Variants in DCAF10 observed in about 807,000 individuals in gnomAD.
DCAF10 encodes DDB1- and CUL4-associated factor 10.
In DCAF10, 19 loss-of-function variants were observed where a neutral mutation model predicts 51.9. The observed-to-expected ratio is 0.37, with a 90% CI of 0.26 to 0.54. The LOEUF is 0.54. Among genes scored for constraint, DCAF10 ranks in the 20% least tolerant of loss-of-function variants. The probability of loss-of-function intolerance (pLI) is 0.87; values close to 1 mark genes in which losing one functional copy is unlikely to be tolerated. For synonymous variants in DCAF10, 291 were observed against 297.1 expected, an observed-to-expected ratio of 0.98 and a Z score of 0.21; for missense variants, 510 against 730.6, an observed-to-expected ratio of 0.70 and a Z score of 3.48.
At chr9:37,843,345 CAT>C (rs1339048287) in intron 3 of DCAF10, among the ~76,000 whole-genome samples, 2 of 152,056 alleles carry the variant, frequency 1.3e-5, no homozygotes. Context: ...TTTTAGAGGT[CAT>C]ATGTAAAAAG....
chr9:37,825,647 A>G (rs975268112), intron 2 of DCAF10, among the ~76,000 whole-genome samples: 5 of 152,180 alleles, frequency 3.3e-5, no homozygotes, highest in Non-Finnish European at 7.3e-5. Flanking sequence ...CTGAGTGACA[A>G]AATAATCTGT....
At chr9:37,816,533 T>C (rs1829538574) in intron 1 of DCAF10, among the ~76,000 whole-genome samples, 1 of 152,150 alleles carries the variant, frequency 6.6e-6, no homozygotes, top group Admixed American at 6.6e-5. Context: ...GAGGTTGCAG[T>C]GAGCTGAGAT....
In DCAF10 at chr9:37,801,189, G is replaced by A. The variant is rs982556875; in HGVS notation, c.323G>A (p.Gly108Asp). ...PGPDCRAKSR[G>D]RHGLGAGLGG... ...CCAGACTGCAGGGCCAAGAGCCGGG[G>A]CCGACACGGCCTCGGCGCGGGCCTG... Residue 108 changes from glycine (G) to aspartate (D), a missense_variant, in exon 1 of 7, where the codon GGC becomes GAC. By Grantham distance (94) the Gly-to-Asp change is moderately conservative (BLOSUM62 -1). Around this residue, in one of 4 missense-constraint regions of DCAF10, gnomAD observed 251 missense variants for 227.9 expected, o/e 1.10. Coordinates refer to ENST00000377724, the MANE Select transcript of DCAF10 (RefSeq NM_024345.5). The surrounding 1 kb of genome is among the most constrained non-coding windows in gnomAD (Gnocchi z 5.5). 1.3e-6 allele frequency: 2 copies of A among 1,545,148 alleles called. No individual in the cohort carries two copies. Among genetic ancestry groups the A allele is most frequent in the Non-Finnish European group, 1.7e-6 (2 of 1,147,586 alleles).
intron 2 of DCAF10, among the ~76,000 whole-genome samples, 174 bp from the exon 3 acceptor site, chr9:37,841,915 G>T (rs1032605680): frequency 6.6e-6 from 1 of 152,154 alleles, no homozygotes; most frequent in Non-Finnish European, 1.5e-5. Context: ...TCCTGGCTCT[G>T]TGATTATGCA....
intron 6 of DCAF10, 40 bp downstream of exon 6, chr9:37,860,233 G>A: frequency 1.9e-6 from 3 of 1,611,354 alleles, no homozygotes; most frequent in Non-Finnish European, 8.5e-7. Flanking sequence ...GGGCTCATTG[G>A]ACAAATTGCC....
At chr9:37,850,834 A>T (rs1305616781) in intron 3 of DCAF10, among the ~76,000 whole-genome samples, 6 of 9,204 alleles carry the variant, frequency 6.5e-4, no homozygotes, top group Non-Finnish European at 1.2e-3. Flanking sequence ...TTTTATATAT[A>T]TATATATATA....
chr9:37,800,571 C>T, upstream of DCAF10: 1 of 1,535,690 alleles, frequency 6.5e-7, no homozygotes. Context: ...CCCAGGCACG[C>T]GGCCACCGGT....
chr9:37,850,881 T>TATAA (rs1554689977), intron 3 of DCAF10, among the ~76,000 whole-genome samples: 46 of 103,926 alleles, frequency 4.4e-4, no homozygotes, highest in Admixed American at 6.6e-4. Flanking sequence ...TATATATATA[T>TATAA]AAATTAGCTT....
chr9:37,800,728 C>A (rs1828891051), upstream of DCAF10: 2 of 1,534,762 alleles, frequency 1.3e-6, no homozygotes, highest in Non-Finnish European at 1.7e-6. Flanking sequence ...CGGTCCCCGG[C>A]GGACGGTGGC....
Position 37,814,127 on chromosome 9 carries a change from TTTG to T in DCAF10, c.540-5133_540-5131del, listed in dbSNP as rs60537201. Among the ~76,000 whole-genome samples, 68 of 100,604 alleles carry T rather than the reference TTTG, an allele frequency of 6.8e-4. 1 individual carries two copies. The highest frequency in any genetic ancestry group is 2.6e-3 in the African/African-American group (63 of 24,552). 66.0% of individuals were successfully genotyped at this position (100,604 alleles called of 152,430 possible). A position where few individuals can be genotyped will look rare whatever the true frequency, so the allele number is the denominator to read the frequency against. On this transcript the variant is annotated intron_variant, in intron 1 of 6. Transcript: ENST00000377724. ...ATATATATATATATATATATATATATTTGTTGTTGTTGTTGTTGTTGTTGTTGT... is the reference window on the plus strand; with the variant it reads ...ATATATATATATATATATATATATATTTGTTGTTGTTGTTGTTGTTGTTGT...
chr9:37,815,518 G>A (rs1287910916), intron 1 of DCAF10, among the ~76,000 whole-genome samples: 2 of 152,090 alleles, frequency 1.3e-5, no homozygotes, highest in African/African-American at 2.4e-5. Flanking sequence ...CATGGCACAC[G>A]CCTGCAGTCC....
intron 3 of DCAF10, among the ~76,000 whole-genome samples, chr9:37,848,284 A>G (rs1265431786): frequency 6.6e-6 from 1 of 152,264 alleles, no homozygotes; most frequent in Non-Finnish European, 1.5e-5. Context: ...TATTTATAGT[A>G]GCACTCATAA....
chr9:37,867,232 G>A lies in DCAF10; in HGVS notation c.*5724G>A, dbSNP rs1489467045. 2 of 152,026 alleles carry A rather than the reference G, an allele frequency of 1.3e-5. No individual in the cohort carries two copies. Among genetic ancestry groups the A allele is most frequent in the Non-Finnish European group, 2.9e-5 (2 of 68,010 alleles). The allele number at this position is 152,026 out of a possible 1,614,324, so 9.4% of individuals were successfully genotyped here. ...TCACATTCACCTCCTATATGTATGT[G>A]TATATATAAATGCCACTATAAATGA... is the stretch of plus-strand genomic sequence containing the variant. On this transcript the variant is annotated 3_prime_UTR_variant, in exon 7 of 7. Coordinates refer to ENST00000377724, the MANE Select transcript of DCAF10 (RefSeq NM_024345.5).
intron 3 of DCAF10, among the ~76,000 whole-genome samples, chr9:37,847,402 T>G (rs1830511865): frequency 1.3e-5 from 2 of 150,850 alleles, no homozygotes; most frequent in Admixed American, 1.3e-4. Context: ...ATCCCAGGAA[T>G]ACAGGGTTGG....
chr9:37,850,872 AT>A (rs1564048916), intron 3 of DCAF10, among the ~76,000 whole-genome samples: 32 of 85,632 alleles, frequency 3.7e-4, no homozygotes, highest in African/African-American at 5.0e-4. Flanking sequence ...ATATATATAT[AT>A]ATATATATAA....
intron 1 of DCAF10, among the ~76,000 whole-genome samples, chr9:37,815,474 G>A (rs1192566262): frequency 2.6e-5 from 4 of 152,098 alleles, no homozygotes; most frequent in Non-Finnish European, 5.9e-5. Flanking sequence ...GTGAAACCCT[G>A]TCTCTACTAA....
At position 37,801,033 on chromosome 9, in the gene DCAF10, GC is replaced by G; in HGVS notation, c.171del (p.Gly58AlafsTer14). On this transcript the variant is annotated frameshift_variant, in exon 1 of 7. Coordinates refer to ENST00000377724, the MANE Select transcript of DCAF10 (RefSeq NM_024345.5). LOFTEE classifies it high-confidence loss of function. This position sits in a 1 kb window ranked among gnomAD's most constrained non-coding sequence, Gnocchi z 5.5. The stretch of plus-strand genomic sequence containing the variant: ...CCTCCACCCGCCCGAAGCCCTCGCC[GC>G]CCCGGCGCCCCATCGCTGTCCCCGG... The part of the protein sequence containing the change: ...HPPPPARSPR[R>X]PGAPSLSPAP... 6.5e-7 allele frequency: 1 copy of G among 1,536,998 alleles called. No individual in the cohort carries two copies. The highest frequency in any genetic ancestry group is 1.2e-5 in the South Asian group (1 of 83,490).
Position 37,800,989 on chromosome 9 carries a change from G to C in DCAF10, c.123G>C (p.Gly41=). The change falls in exon 1 of 7, where the codon GGG becomes GGC. Residue 41 remains glycine, a synonymous_variant. Coordinates refer to ENST00000377724, the MANE Select transcript of DCAF10 (RefSeq NM_024345.5). ...ATGPPSPLHP[G]ADATHPPPPA... ...GGCCGCCCTCGCCACTACATCCCGGGGCTGATGCGACCCATCCCCCTCCAC... is the reference window on the plus strand; with the variant it reads ...GGCCGCCCTCGCCACTACATCCCGGCGCTGATGCGACCCATCCCCCTCCAC... 1 of 1,532,516 alleles carries C rather than the reference G, an allele frequency of 6.5e-7. No homozygotes were observed. The highest frequency in any genetic ancestry group is 8.7e-7 in the Non-Finnish European group (1 of 1,149,512). 94.9% of individuals were successfully genotyped at this position (1,532,516 alleles called of 1,614,324 possible).
chr9:37,810,296 T>C (rs955733822), intron 1 of DCAF10, among the ~76,000 whole-genome samples: 1 of 152,038 alleles, frequency 6.6e-6, no homozygotes, highest in Admixed American at 6.6e-5. Context: ...TGTGAGGGGA[T>C]TAGAGCATTA....
Sources: allele counts gnomAD v4.1 joint callset (sites outside exome capture counted in the v4.1 genomes callset), GRCh38; gene constraint gnomAD v4.1.1; regional missense constraint gnomAD v4.1.1; non-coding constraint Gnocchi (gnomAD v3.1); transcripts MANE v1.5; gene names NCBI Gene and HGNC (gene_info 2026-07-23, HGNC 2026-07-21).